Variants in SEMA6D observed in about 807,000 individuals in gnomAD.
The protein encoded by SEMA6D is semaphorin 6D, also known as semaphorin-6D.
A neutral mutation model predicts 106.6 loss-of-function variants in SEMA6D; 35 were observed. That is an observed-to-expected ratio of 0.33 (90% CI 0.25 to 0.44). SEMA6D has a LOEUF of 0.44. Ranked by LOEUF, SEMA6D falls within the 20% of genes least tolerant of loss-of-function variation. SEMA6D has a pLI of 1.00. For missense variants in SEMA6D, 1,185 were observed against 1,345.9 expected (o/e 0.88, Z 1.87); for synonymous variants, 499 against 487.7 (o/e 1.02, Z -0.31).
At chr15:47,610,485 C>T (rs893403505) in intron 4 of SEMA6D, among the ~76,000 whole-genome samples, 1 of 152,110 alleles carries the variant, frequency 6.6e-6, no homozygotes, top group South Asian at 2.1e-4. Flanking sequence ...GCCCTTAATA[C>T]CTGTGTGATG....
chr15:47,681,823 G>A (rs1408010536), intron 4 of SEMA6D, among the ~76,000 whole-genome samples: 6 of 152,070 alleles, frequency 3.9e-5, no homozygotes, highest in Admixed American at 2.0e-4. Flanking sequence ...TGTTGTTATC[G>A]TAAATTGTAT....
chr15:47,464,730 C>T (rs1247105167), intron 2 of SEMA6D, among the ~76,000 whole-genome samples: 1 of 152,132 alleles, frequency 6.6e-6, no homozygotes, highest in Non-Finnish European at 1.5e-5. Context: ...GAAAGACTCT[C>T]TCTCTCTAAC....
At chr15:47,726,480 A>T (rs1383991944) in intron 1 of SEMA6D, among the ~76,000 whole-genome samples, 1 of 152,240 alleles carries the variant, frequency 6.6e-6, no homozygotes, top group African/African-American at 2.4e-5. Context: ...TCAAACAGCT[A>T]GTGACTAGTG....
At chr15:47,185,018 C>A (rs1169244745) in intron 1 of SEMA6D, among the ~76,000 whole-genome samples, 2 of 152,136 alleles carry the variant, frequency 1.3e-5, no homozygotes, top group Non-Finnish European at 2.9e-5. Context: ...GGTGGGGGCA[C>A]CCAGAGCCCC....
chr15:47,400,638 G>T (rs920666649), intron 1 of SEMA6D, among the ~76,000 whole-genome samples: 1 of 152,200 alleles, frequency 6.6e-6, no homozygotes, highest in African/African-American at 2.4e-5. Flanking sequence ...GACTGTGGTT[G>T]AGAATGCTCT....
intron 1 of SEMA6D, among the ~76,000 whole-genome samples, chr15:47,222,608 G>A (rs1007738110): frequency 6.6e-6 from 1 of 152,178 alleles, no homozygotes; most frequent in Non-Finnish European, 1.5e-5. Context: ...AGAAGGTACA[G>A]TATCCATTTT....
intron 3 of SEMA6D, among the ~76,000 whole-genome samples, chr15:47,484,598 C>A (rs2043244388): frequency 6.6e-6 from 1 of 152,058 alleles, no homozygotes; most frequent in Non-Finnish European, 1.5e-5. Flanking sequence ...GATATTATTA[C>A]CAGTTAGTTC....
At chr15:47,238,097 T>G (rs914057685) in intron 1 of SEMA6D, among the ~76,000 whole-genome samples, 12 of 152,124 alleles carry the variant, frequency 7.9e-5, no homozygotes, top group African/African-American at 9.7e-5. Flanking sequence ...ACATGTTCTT[T>G]TTTGCTGTAG....
At chr15:47,219,322 A>C (rs2141342946) in intron 1 of SEMA6D, among the ~76,000 whole-genome samples, 1 of 152,340 alleles carries the variant, frequency 6.6e-6, no homozygotes, top group South Asian at 2.1e-4. Flanking sequence ...CATTCACAGA[A>C]GCACATTCAA....
chr15:47,526,494 A>G (rs2142003029), intron 3 of SEMA6D, among the ~76,000 whole-genome samples: 1 of 152,352 alleles, frequency 6.6e-6, no homozygotes, highest in South Asian at 2.1e-4. Context: ...TCCTCCCAAA[A>G]GACCAGACTT....
intron 4 of SEMA6D, among the ~76,000 whole-genome samples, chr15:47,711,797 G>T (rs1417967843): frequency 6.6e-6 from 1 of 152,162 alleles, no homozygotes; most frequent in Non-Finnish European, 1.5e-5. Flanking sequence ...CATTTTTAGT[G>T]CCTCTTATTT....
chr15:47,461,430 C>T (rs1389222674), intron 2 of SEMA6D, among the ~76,000 whole-genome samples: 1 of 151,962 alleles, frequency 6.6e-6, no homozygotes, highest in African/African-American at 2.4e-5. Context: ...GGAAACATCA[C>T]CTAGCATAAA....
intron 1 of SEMA6D, among the ~76,000 whole-genome samples, chr15:47,392,480 T>A (rs1250258747): frequency 6.7e-6 from 1 of 148,678 alleles, no homozygotes; most frequent in Non-Finnish European, 1.5e-5. Flanking sequence ...GGGACAGATG[T>A]GAGTATGCTA....
chr15:47,304,476 TA>T (rs1412761315), intron 1 of SEMA6D, among the ~76,000 whole-genome samples: 1 of 139,958 alleles, frequency 7.1e-6, no homozygotes, highest in Non-Finnish European at 1.5e-5. Flanking sequence ...AAAATTCTCT[TA>T]GTGTAAAGGC....
At chr15:47,401,174 A>G (rs1036192050) in intron 1 of SEMA6D, among the ~76,000 whole-genome samples, 1 of 152,170 alleles carries the variant, frequency 6.6e-6, no homozygotes, top group African/African-American at 2.4e-5. Flanking sequence ...TATTTTAATT[A>G]TTATTATTAA....
intron 1 of SEMA6D, among the ~76,000 whole-genome samples, chr15:47,288,546 A>G (rs1476085100): frequency 3.3e-5 from 5 of 152,214 alleles, no homozygotes; most frequent in African/African-American, 4.8e-5. Flanking sequence ...AATTGAAACC[A>G]AAGTCTGGTT....
chr15:47,375,789 T>A (rs2039427987), intron 1 of SEMA6D, among the ~76,000 whole-genome samples: 1 of 152,232 alleles, frequency 6.6e-6, no homozygotes, highest in African/African-American at 2.4e-5. Context: ...AGGTTGGAAT[T>A]TTTATGCATT....
At chr15:47,565,410 T>C (rs1218497560) in intron 3 of SEMA6D, among the ~76,000 whole-genome samples, 1 of 152,060 alleles carries the variant, frequency 6.6e-6, no homozygotes, top group Non-Finnish European at 1.5e-5. Flanking sequence ...GTACTCCAGT[T>C]CCCACTTCAT....
chr15:47,184,670 G>C (rs1188241822), intron 1 of SEMA6D, among the ~76,000 whole-genome samples: 6 of 152,142 alleles, frequency 3.9e-5, no homozygotes. Context: ...CCCGTCTTTT[G>C]TGTCTTGCCC....
Sources: gnomAD v4.1 joint callset for allele counts (sites outside exome capture counted in the v4.1 genomes callset) on GRCh38, gnomAD v4.1.1 for gene constraint, MANE v1.5 for transcripts, NCBI Gene and HGNC (gene_info 2026-07-23, HGNC 2026-07-21) for gene names.